The following TTC29 variants were observed in gnomAD, a reference collection of about 807,000 sequenced individuals.
TTC29 encodes tetratricopeptide repeat domain 29.
TTC29 carries 49 observed loss-of-function variants against 58.1 expected under a neutral mutation model. The ratio of observed to expected loss-of-function variants is 0.84; its 90% confidence interval spans 0.67 to 1.07. TTC29 has a LOEUF of 1.07. Ranked by LOEUF, TTC29 falls within the 50% of genes least tolerant of loss-of-function variation. The pLI, the probability that TTC29 is intolerant of heterozygous loss-of-function variation, is 0.00. For missense variants in TTC29, 582 were observed against 555.6 expected (o/e 1.05, Z -0.48); for synonymous variants, 209 against 196.8 (o/e 1.06, Z -0.52).
At chr4:146,862,883 G>A (rs1730328823) in intron 8 of TTC29, among the ~76,000 whole-genome samples, 1 of 152,114 alleles carries the variant, frequency 6.6e-6, no homozygotes, top group Admixed American at 6.6e-5. Flanking sequence ...AGCATTTTGG[G>A]AGGCTGAGGC....
At chr4:146,935,590 CT>C (rs1221521837) in intron 4 of TTC29, among the ~76,000 whole-genome samples, 3 of 152,124 alleles carry the variant, frequency 2.0e-5, no homozygotes, top group African/African-American at 4.8e-5. Context: ...TTAGTCTTCT[CT>C]GATTTTTTCT....
chr4:146,939,989 T>C, intron 2 of TTC29, 88 bp from the exon 3 acceptor site: 1 of 1,309,470 alleles, frequency 7.6e-7, no homozygotes, highest in Non-Finnish European at 1.0e-6. Flanking sequence ...TTACAGTCTG[T>C]CATCTTAGTT....
At chr4:146,937,796 C>T (rs920063741) in intron 3 of TTC29, 119 bp from the exon 4 acceptor site, 27 of 534,798 alleles carry the variant, frequency 5.0e-5, no homozygotes, top group Middle Eastern at 6.3e-4. Flanking sequence ...ATGTAATAAA[C>T]GCAATAGCTA....
chr4:146,715,789 A>C (rs910351006), intron 11 of TTC29, among the ~76,000 whole-genome samples: 23 of 152,328 alleles, frequency 1.5e-4, no homozygotes, highest in African/African-American at 5.5e-4. Context: ...AACACAAAGA[A>C]ATGATAAATG....
chr4:146,814,897 A>G (rs1751293570), intron 10 of TTC29, among the ~76,000 whole-genome samples: 1 of 152,176 alleles, frequency 6.6e-6, no homozygotes, highest in Admixed American at 6.5e-5. Context: ...GCCAAGGCAA[A>G]TGTTCTAAGG....
chr4:146,917,910 T>C (rs1361591557), intron 4 of TTC29, among the ~76,000 whole-genome samples: 2 of 150,164 alleles, frequency 1.3e-5, no homozygotes, highest in African/African-American at 4.9e-5. Flanking sequence ...TTAAGCAATA[T>C]AAAAATATTA....
chr4:146,745,905 A>C (rs1206320448), intron 11 of TTC29, among the ~76,000 whole-genome samples: 2 of 152,256 alleles, frequency 1.3e-5, no homozygotes, highest in African/African-American at 4.8e-5. Context: ...CAACACTGAA[A>C]GAATGGGCAC....
At chr4:146,759,044 A>G (rs1440710607) in intron 11 of TTC29, among the ~76,000 whole-genome samples, 1 of 152,096 alleles carries the variant, frequency 6.6e-6, no homozygotes, top group African/African-American at 2.4e-5. Flanking sequence ...TAAAGGAAAC[A>G]AAGAGCTGGT....
chr4:146,866,591 T>C (rs1326334312), intron 8 of TTC29, among the ~76,000 whole-genome samples: 1 of 152,092 alleles, frequency 6.6e-6, no homozygotes, highest in Non-Finnish European at 1.5e-5. Context: ...GTTGTCTCTG[T>C]GTTCCCCAAG....
rs1750042038 is a variant in TTC29, at chr4:146,799,257, C to A, written c.1330+4200G>T. Among the ~76,000 whole-genome samples, 3 of 152,130 alleles carry A rather than the reference C, an allele frequency of 2.0e-5. No individual in the cohort carries two copies. In the South Asian group the frequency reaches 6.2e-4, roughly 32 times the overall value. Reference sequence around the variant, plus strand: ...TCTGTGATTATAAGATGGATGAAACCTACTTGCTTGCTGACTTTTTGGCTA... The same window carrying A: ...TCTGTGATTATAAGATGGATGAAACATACTTGCTTGCTGACTTTTTGGCTA... On this transcript the variant is annotated intron_variant, in intron 11 of 12. Transcript: ENST00000325106.
chr4:146,715,253 C>G (rs1290838872), intron 11 of TTC29, among the ~76,000 whole-genome samples: 2 of 152,130 alleles, frequency 1.3e-5, no homozygotes, highest in African/African-American at 4.8e-5. Flanking sequence ...AGCAATCCCA[C>G]TGCTGGGTAT....
chr4:146,934,564 G>A (rs756370343), intron 4 of TTC29, among the ~76,000 whole-genome samples: 4 of 152,180 alleles, frequency 2.6e-5, no homozygotes, highest in Admixed American at 6.5e-5. Context: ...TTGAGTAGCC[G>A]TTGGGTTATT....
In TTC29 at chr4:146,945,850, G is replaced by A. The variant is rs1010943484; in HGVS notation, c.-195C>T. 1.3e-5 allele frequency: 2 copies of A among 152,354 alleles called. No homozygotes were observed. Among genetic ancestry groups the A allele is most frequent in the African/African-American group, 4.8e-5 (2 of 41,468 alleles). The allele number at this position is 152,354 out of a possible 1,614,324, so 9.4% of individuals were successfully genotyped here. A position where few individuals can be genotyped will look rare whatever the true frequency, so the allele number is the denominator to read the frequency against. On this transcript the variant is annotated 5_prime_UTR_variant, in exon 1 of 13. Transcript: ENST00000325106. ...GCCTGGCTCCGCCGGAGCGGAGACA[G>A]GGGACGCCGAGAGCGTCTCCACGGA...
chr4:146,758,864 C>A (rs1047041832), intron 11 of TTC29, among the ~76,000 whole-genome samples: 1 of 152,008 alleles, frequency 6.6e-6, no homozygotes, highest in Non-Finnish European at 1.5e-5. Flanking sequence ...AAGTTCATAG[C>A]CCTAAACACC....
intron 11 of TTC29, among the ~76,000 whole-genome samples, chr4:146,766,592 T>G (rs967302975): frequency 1.3e-5 from 2 of 152,156 alleles, no homozygotes; most frequent in African/African-American, 4.8e-5. Context: ...TTTTTAGAAG[T>G]GGGTTTGTGA....
chr4:146,840,448 G>T (rs1728785501), intron 8 of TTC29, among the ~76,000 whole-genome samples: 1 of 151,922 alleles, frequency 6.6e-6, no homozygotes, highest in African/African-American at 2.4e-5. Flanking sequence ...TTATATTTCT[G>T]CTCTTAAAGA....
chr4:146,798,886 CAAAAAAAAAA>C (rs70958529), intron 11 of TTC29, among the ~76,000 whole-genome samples: 4 of 18,272 alleles, frequency 2.2e-4, no homozygotes, highest in South Asian at 5.6e-3. Context: ...GACTCCGTCT[CAAAAAAAAAA>C]AAAAAAAAAA....
chr4:146,783,970 A>G (rs572277251), intron 11 of TTC29, among the ~76,000 whole-genome samples: 2 of 152,088 alleles, frequency 1.3e-5, no homozygotes, highest in African/African-American at 4.8e-5. Context: ...ACTCATTTCT[A>G]TCTCTAACCT....
chr4:146,887,249 C>T (rs747418022), intron 6 of TTC29, among the ~76,000 whole-genome samples: 2 of 152,052 alleles, frequency 1.3e-5, no homozygotes, highest in Middle Eastern at 3.2e-3. Flanking sequence ...AACAAAATAA[C>T]CTCTTAGTAT....
Sources: allele counts gnomAD v4.1 joint callset (sites outside exome capture counted in the v4.1 genomes callset), GRCh38; gene constraint gnomAD v4.1.1; transcripts MANE v1.5; gene names NCBI Gene and HGNC (gene_info 2026-07-23, HGNC 2026-07-21).